The following TMEM132D variants were observed in gnomAD, a reference collection of about 807,000 sequenced individuals.
TMEM132D encodes transmembrane protein 132D.
TMEM132D carries 21 observed loss-of-function variants against 62.3 expected under a neutral mutation model. The ratio of observed to expected loss-of-function variants is 0.34; its 90% CI spans 0.24 to 0.49. The LOEUF is 0.49. TMEM132D is among the 20% of genes least tolerant of loss of function. TMEM132D has a pLI of 0.99. For synonymous variants in TMEM132D, 621 were observed against 575.6 expected, an observed-to-expected ratio of 1.08 and a Z score of -1.13; for missense variants, 1,346 against 1,402.8, an observed-to-expected ratio of 0.96 and a Z score of 0.65.
intron 2 of TMEM132D, among the ~76,000 whole-genome samples, chr12:129,628,802 TA>T (rs1879284320): frequency 6.6e-6 from 1 of 152,110 alleles, no homozygotes; most frequent in Non-Finnish European, 1.5e-5. Flanking sequence ...GCTTTTAGAA[TA>T]AAGCCAGAAT....
chr12:129,782,541 C>T (rs61943425), intron 1 of TMEM132D, among the ~76,000 whole-genome samples: 2 of 152,182 alleles, frequency 1.3e-5, no homozygotes, highest in East Asian at 1.9e-4. Context: ...CCTAAAATTG[C>T]GCCTGGCCTC....
At chr12:129,227,055 A>G (rs1272390099) in intron 4 of TMEM132D, among the ~76,000 whole-genome samples, 2 of 152,124 alleles carry the variant, frequency 1.3e-5, no homozygotes, top group Non-Finnish European at 2.9e-5. Context: ...CTGATTAGGC[A>G]GTGCTACTGA....
chr12:129,431,273 T>C (rs1325435822), intron 3 of TMEM132D, among the ~76,000 whole-genome samples: 1 of 152,230 alleles, frequency 6.6e-6, no homozygotes, highest in Non-Finnish European at 1.5e-5. Flanking sequence ...GGAGTCTGTG[T>C]TGTTCCCACT....
chr12:129,402,385 C>T (rs147030231), intron 3 of TMEM132D, among the ~76,000 whole-genome samples: 7 of 152,232 alleles, frequency 4.6e-5, no homozygotes, highest in Non-Finnish European at 7.4e-5. Context: ...TGTAATCATC[C>T]GTCCCAGTAG....
chr12:129,660,375 C>A (rs921470977), intron 2 of TMEM132D, among the ~76,000 whole-genome samples: 1 of 152,090 alleles, frequency 6.6e-6, no homozygotes, highest in Non-Finnish European at 1.5e-5. Context: ...CTAACACAGC[C>A]TCTTCCTTTC....
At chr12:129,523,977 T>C (rs114990725) in intron 3 of TMEM132D, among the ~76,000 whole-genome samples, 2,319 of 152,110 alleles carry the variant, frequency 0.015, 59 homozygotes, top group African/African-American at 0.053. Context: ...GTCCAGAAAA[T>C]ATCTTTGCAT....
intron 2 of TMEM132D, among the ~76,000 whole-genome samples, chr12:129,606,557 G>C (rs1327989140): frequency 6.6e-6 from 1 of 152,078 alleles, no homozygotes; most frequent in Non-Finnish European, 1.5e-5. Flanking sequence ...GGACCAGGCT[G>C]GACAAGATGA....
intron 1 of TMEM132D, among the ~76,000 whole-genome samples, chr12:129,837,193 C>T (rs188195540): frequency 6.6e-6 from 1 of 152,280 alleles, no homozygotes; most frequent in African/African-American, 2.4e-5. Context: ...TTTATAGATG[C>T]TGCTTGCATT....
intron 5 of TMEM132D, among the ~76,000 whole-genome samples, chr12:129,189,145 G>A (rs1033285936): frequency 6.6e-6 from 1 of 152,060 alleles, no homozygotes; most frequent in African/African-American, 2.4e-5. Flanking sequence ...CATGAGAGAG[G>A]AGGAAGTCCC....
chr12:129,322,770 T>C (rs1868765762), intron 4 of TMEM132D, among the ~76,000 whole-genome samples: 3 of 152,180 alleles, frequency 2.0e-5, no homozygotes, highest in Admixed American at 2.0e-4. Flanking sequence ...AAGAGGTGTG[T>C]AATACTTAAT....
At chr12:129,529,941 C>T (rs553348763) in intron 3 of TMEM132D, among the ~76,000 whole-genome samples, 1 of 152,344 alleles carries the variant, frequency 6.6e-6, no homozygotes, top group African/African-American at 2.4e-5. Flanking sequence ...ACTATCACTA[C>T]ATAAACATAT....
rs1445461518 is a variant in TMEM132D, at chr12:129,431,118, C to G, written c.1116-93301G>C. Among the ~76,000 whole-genome samples, 8 of 152,226 alleles carry G rather than the reference C, an allele frequency of 5.3e-5. No homozygotes were observed. In the East Asian group the frequency reaches 1.5e-3, roughly 29 times the overall value. ...GAGCGGCTGCTACGCATTGTTATAA[C>G]AGCAGCTGAGATGGTTCCCTTCCAG... On this transcript the variant is annotated intron_variant, in intron 3 of 8. Coordinates refer to ENST00000422113, the MANE Select transcript of TMEM132D (RefSeq NM_133448.3).
chr12:129,136,816 C>T (rs1420390865), intron 5 of TMEM132D, among the ~76,000 whole-genome samples: 1 of 140,068 alleles, frequency 7.1e-6, no homozygotes, highest in Non-Finnish European at 1.6e-5. Flanking sequence ...ATCATCATCA[C>T]ATCAATACCA....
At chr12:129,362,953 C>T (rs1870293851) in intron 3 of TMEM132D, among the ~76,000 whole-genome samples, 1 of 152,194 alleles carries the variant, frequency 6.6e-6, no homozygotes, top group Non-Finnish European at 1.5e-5. Flanking sequence ...GCACATGGTA[C>T]AGCATTTCCC....
intron 4 of TMEM132D, among the ~76,000 whole-genome samples, chr12:129,245,121 C>G (rs991987305): frequency 6.6e-6 from 1 of 152,152 alleles, no homozygotes; most frequent in Non-Finnish European, 1.5e-5. Flanking sequence ...GTGTATAGTT[C>G]TATATACACA....
chr12:129,704,728 C>T (rs200895377), intron 1 of TMEM132D, among the ~76,000 whole-genome samples: 3 of 152,052 alleles, frequency 2.0e-5, no homozygotes, highest in African/African-American at 4.8e-5. Context: ...AGGCTGCCCT[C>T]GGTGAAGGAT....
At chr12:129,516,488 GAC>G (rs769977494) in intron 3 of TMEM132D, among the ~76,000 whole-genome samples, 307 of 152,320 alleles carry the variant, frequency 2.0e-3, no homozygotes, top group Non-Finnish European at 3.9e-3. Flanking sequence ...CATGGTGGCA[GAC>G]AGGAGAGAAA....
intron 4 of TMEM132D, among the ~76,000 whole-genome samples, chr12:129,228,962 A>G (rs1300007608): frequency 6.6e-6 from 1 of 152,214 alleles, no homozygotes; most frequent in African/African-American, 2.4e-5. Context: ...CCGGGGCATC[A>G]TTCAGTGAAT....
At chr12:129,089,244 C>T (rs1232900744) in intron 5 of TMEM132D, among the ~76,000 whole-genome samples, 3 of 38,266 alleles carry the variant, frequency 7.8e-5, no homozygotes, top group Non-Finnish European at 4.2e-5. Flanking sequence ...GGGTGTCCTC[C>T]CTGACCGGGT....
Sources: gnomAD v4.1 joint callset for allele counts (sites outside exome capture counted in the v4.1 genomes callset) on GRCh38, gnomAD v4.1.1 for gene constraint, MANE v1.5 for transcripts, NCBI Gene and HGNC (gene_info 2026-07-23, HGNC 2026-07-21) for gene names.